RPSA2: variants seen among roughly 807,000 people sequenced by gnomAD.
RPSA2 encodes the protein ribosomal protein SA 2.
the RPSA2 span, among the ~76,000 whole-genome samples, chr19:23,863,110 G>A: frequency 2.0e-5 from 3 of 152,028 alleles, no homozygotes; most frequent in Admixed American, 6.6e-5. Context: ...AGTGTGTTTG[G>A]CTTAACAGGT....
the RPSA2 span, among the ~76,000 whole-genome samples, chr19:23,796,353 C>G: frequency 6.6e-6 from 1 of 150,744 alleles, no homozygotes; most frequent in African/African-American, 2.4e-5. Context: ...TTTTGATATG[C>G]TGCTAAATTT....
At chr19:23,788,017 A>G in the RPSA2 span, among the ~76,000 whole-genome samples, 2 of 152,188 alleles carry the variant, frequency 1.3e-5, no homozygotes, top group Admixed American at 1.3e-4. Flanking sequence ...ATTACTGGGC[A>G]CAGCCCACAG....
the RPSA2 span, among the ~76,000 whole-genome samples, chr19:23,845,562 G>A: frequency 6.6e-6 from 1 of 152,162 alleles, no homozygotes; most frequent in African/African-American, 2.4e-5. Context: ...AACAATCTTG[G>A]CTCACTGCAA....
At chr19:23,763,636 T>G in the RPSA2 span, among the ~76,000 whole-genome samples, 1 of 152,090 alleles carries the variant, frequency 6.6e-6, no homozygotes, top group South Asian at 2.1e-4. Flanking sequence ...GCCTGGCTAA[T>G]TTTTGTATTT....
At chr19:23,826,274 C>A in the RPSA2 span, among the ~76,000 whole-genome samples, 1 of 151,642 alleles carries the variant, frequency 6.6e-6, no homozygotes, top group Non-Finnish European at 1.5e-5. Flanking sequence ...CTCACTGCAA[C>A]TTCCACCTCC....
the RPSA2 span, among the ~76,000 whole-genome samples, chr19:23,782,842 C>T: frequency 2.0e-5 from 3 of 152,060 alleles, no homozygotes; most frequent in African/African-American, 7.2e-5. Flanking sequence ...GTCTATGAGC[C>T]CTACCCACAA....
the RPSA2 span, among the ~76,000 whole-genome samples, chr19:23,784,210 A>T: frequency 3.9e-5 from 6 of 152,232 alleles, no homozygotes; most frequent in African/African-American, 1.4e-4. Flanking sequence ...GTCATAGAGA[A>T]TTACCACTCT....
the RPSA2 span, among the ~76,000 whole-genome samples, chr19:23,841,663 T>C: frequency 5.9e-5 from 9 of 152,142 alleles, no homozygotes; most frequent in Admixed American, 5.2e-4. Context: ...TGGGCAGTTT[T>C]GAGATGGCTT....
At chr19:23,836,942 T>C in the RPSA2 span, among the ~76,000 whole-genome samples, 4 of 152,220 alleles carry the variant, frequency 2.6e-5, no homozygotes, top group Admixed American at 6.5e-5. Context: ...TATCTGTCTA[T>C]TCTGCTGACT....
the RPSA2 span, among the ~76,000 whole-genome samples, chr19:23,861,507 A>C: frequency 6.6e-6 from 1 of 152,056 alleles, no homozygotes; most frequent in East Asian, 1.9e-4. Context: ...ATCCTTTCCA[A>C]TGAGAACATG....
At chr19:23,765,085 G>A in the RPSA2 span, among the ~76,000 whole-genome samples, 1 of 152,270 alleles carries the variant, frequency 6.6e-6, no homozygotes, top group South Asian at 2.1e-4. Context: ...GCAACTGGAT[G>A]GCCTAGGCCT....
At chr19:23,834,234 T>G in the RPSA2 span, among the ~76,000 whole-genome samples, 1 of 152,086 alleles carries the variant, frequency 6.6e-6, no homozygotes, top group Non-Finnish European at 1.5e-5. Flanking sequence ...GAGTTATAAT[T>G]ACATTCAAAT....
chr19:23,785,595 A>G, the RPSA2 span, among the ~76,000 whole-genome samples: 1 of 152,148 alleles, frequency 6.6e-6, no homozygotes, highest in Non-Finnish European at 1.5e-5. Flanking sequence ...TTTCAGGAGA[A>G]GGTTGTAACA....
At chr19:23,762,212 G>A in the RPSA2 span, among the ~76,000 whole-genome samples, 566 of 149,642 alleles carry the variant, frequency 3.8e-3, 1 homozygote, top group Middle Eastern at 6.8e-3. Context: ...CACCGTGCCC[G>A]GCCCGGTAAC....
the RPSA2 span, among the ~76,000 whole-genome samples, chr19:23,855,305 G>GT: frequency 6.6e-6 from 1 of 152,170 alleles, no homozygotes; most frequent in East Asian, 1.9e-4. Context: ...AGTTAGAACA[G>GT]TTTTTGCCAA....
At chr19:23,759,671 G>A in the RPSA2 span, among the ~76,000 whole-genome samples, 1 of 151,576 alleles carries the variant, frequency 6.6e-6, no homozygotes. Flanking sequence ...CTACAGGTGC[G>A]TGCCACCATG....
At chr19:23,844,853 A>G in the RPSA2 span, among the ~76,000 whole-genome samples, 3 of 151,396 alleles carry the variant, frequency 2.0e-5, no homozygotes, top group South Asian at 6.3e-4. Flanking sequence ...TAGAATTTTT[A>G]TACATTTGGT....
chr19:23,810,476 T>C, the RPSA2 span, among the ~76,000 whole-genome samples: 1 of 143,406 alleles, frequency 7.0e-6, no homozygotes, highest in Admixed American at 7.0e-5. Flanking sequence ...TTGGACAGAG[T>C]GAATATCTTT....
At chr19:23,846,437 T>C in the RPSA2 span, among the ~76,000 whole-genome samples, 4 of 152,172 alleles carry the variant, frequency 2.6e-5, no homozygotes, top group Admixed American at 6.5e-5. Context: ...GATTTATTTA[T>C]TTCTCTCTTT....
Sources: allele counts gnomAD v4.1 joint callset (sites outside exome capture counted in the v4.1 genomes callset), GRCh38; gene constraint gnomAD v4.1.1; transcripts MANE v1.5; gene names NCBI Gene and HGNC (gene_info 2026-07-23, HGNC 2026-07-21).